Variants in EHMT1 observed in about 807,000 individuals in gnomAD.
EHMT1 encodes histone-lysine N-methyltransferase EHMT1.
A neutral mutation model predicts 147.2 loss-of-function variants in EHMT1; 15 were observed. That is an observed-to-expected ratio of 0.10 (90% CI 0.07 to 0.16). EHMT1 has a LOEUF of 0.16. Among genes scored for constraint, EHMT1 ranks in the 10% least tolerant of loss-of-function variants. The pLI, the probability that EHMT1 is intolerant of heterozygous loss-of-function variation, is 1.00. For synonymous variants in EHMT1, 795 were observed against 709.6 expected (o/e 1.12, Z -1.91); for missense variants, 1,587 against 1,772.4 (o/e 0.90, Z 1.88).
intron 1 of EHMT1, among the ~76,000 whole-genome samples, chr9:137,695,926 G>T (rs534817065): frequency 2.0e-5 from 3 of 152,342 alleles, no homozygotes; most frequent in African/African-American, 7.2e-5. Flanking sequence ...AAATGCCATA[G>T]CCGAAAGAAC....
At position 137,713,966 on chromosome 9, in the gene EHMT1, T is replaced by TA. The variant is rs556981265; in HGVS notation, c.86-2652dup. ...CTCCATCTCAAAAAATAAAAAAAGT[T>TA]AAAAAAAATTGATTTTTGCATATTT... On this transcript the variant is annotated intron_variant, in intron 2 of 26. Transcript: ENST00000460843. 1.9e-4 allele frequency among the ~76,000 whole-genome samples: 29 copies of TA among 152,092 alleles called. No individual in the cohort carries two copies. In the East Asian group the frequency reaches 2.3e-3, roughly 12 times the overall value.
At chr9:137,802,694 C>A in intron 18 of EHMT1, 1 of 634,688 alleles carries the variant, frequency 1.6e-6, no homozygotes, top group Non-Finnish European at 2.3e-6. Flanking sequence ...GAAACAGGGA[C>A]CACTGGCTGT....
At chr9:137,740,829 G>C (rs937481898) in intron 4 of EHMT1, among the ~76,000 whole-genome samples, 1 of 152,120 alleles carries the variant, frequency 6.6e-6, no homozygotes, top group Non-Finnish European at 1.5e-5. Context: ...TTGAGATGGA[G>C]TCTAGCTCTG....
At chr9:137,717,430 C>G (rs919827231) in intron 3 of EHMT1, among the ~76,000 whole-genome samples, 4 of 151,694 alleles carry the variant, frequency 2.6e-5, no homozygotes, top group Admixed American at 1.3e-4. Flanking sequence ...TGGCGAAACT[C>G]AAATGCAAAA....
At chr9:137,789,067 C>G (rs1446591419) in intron 15 of EHMT1, 2 of 152,550 alleles carry the variant, frequency 1.3e-5, no homozygotes, top group African/African-American at 4.8e-5. Context: ...GCCCTGTGTT[C>G]TCATGGGCGG....
chr9:137,752,238 G>A lies in EHMT1; in HGVS notation c.1171-93G>A, dbSNP rs1480111836. On this transcript the variant is annotated intron_variant, in intron 6 of 26. Coordinates refer to ENST00000460843, the MANE Select transcript of EHMT1 (RefSeq NM_024757.5). ...GGCGTGTGCGGCCAGTGCCCGTTTC[G>A]AGGTTTGCTTTGGATCCGTCATCTG... 8.9e-6 allele frequency: 13 copies of A among 1,454,198 alleles called. No homozygotes were observed. The East Asian group carries it at 1.2e-4, about 13-fold the overall frequency. The allele number at this position is 1,454,198 out of a possible 1,614,324, so 90.1% of individuals were successfully genotyped here. A position where few individuals can be genotyped will look rare whatever the true frequency, so the allele number is the denominator to read the frequency against.
chr9:137,764,381 C>G (rs577683930), intron 10 of EHMT1: 1 of 152,386 alleles, frequency 6.6e-6, no homozygotes, highest in East Asian at 1.9e-4. Context: ...TGTTCTGCCA[C>G]ACTCGGCCCC....
chr9:137,754,154 C>T lies in EHMT1; in HGVS notation c.1249-17C>T. 1 of 1,613,946 alleles carries T rather than the reference C, an allele frequency of 6.2e-7. No individual in the cohort carries two copies. The highest frequency in any genetic ancestry group is 8.5e-7 in the Non-Finnish European group (1 of 1,179,922). On this transcript the variant is annotated splice_polypyrimidine_tract_variant and intron_variant, in intron 7 of 26. Transcript: ENST00000460843. ...CTGTGCTTAGTGGTTTATATGCCTG[C>T]CCGTTTGGTTCTCCAGAGTTCGGAA...
At chr9:137,739,704 C>T (rs1290324999) in intron 4 of EHMT1, among the ~76,000 whole-genome samples, 2 of 152,278 alleles carry the variant, frequency 1.3e-5, no homozygotes, top group Non-Finnish European at 2.9e-5. Flanking sequence ...AGTTGCAGTG[C>T]TTCCCTTGCG....
Position 137,802,711 on chromosome 9 carries a change from C to T in EHMT1, c.2712+1727C>T. The T allele has an allele frequency of 4.7e-6, 4 of 845,960 alleles. No homozygotes were observed. In the South Asian group the frequency reaches 1.9e-4, roughly 40 times the overall value. 52.4% of individuals were successfully genotyped at this position (845,960 alleles called of 1,614,324 possible). A position where few individuals can be genotyped will look rare whatever the true frequency, so the allele number is the denominator to read the frequency against. ...AACAGGGACCACTGGCTGTGGGCAC[C>T]CGCTGCCTCCCTGCAGGCACGCAGG... On this transcript the variant is annotated intron_variant, in intron 18 of 26. Coordinates refer to ENST00000460843, the MANE Select transcript of EHMT1 (RefSeq NM_024757.5).
At chr9:137,802,717 C>T (rs933446917) in intron 18 of EHMT1, 85 of 919,208 alleles carry the variant, frequency 9.2e-5, no homozygotes, top group Non-Finnish European at 1.7e-5. Context: ...GCACCCGCTG[C>T]CTCCCTGCAG....
chr9:137,707,207 G>C (rs980639957), intron 1 of EHMT1, among the ~76,000 whole-genome samples: 1 of 152,238 alleles, frequency 6.6e-6, no homozygotes, highest in Non-Finnish European at 1.5e-5. Flanking sequence ...GCCATAAGGA[G>C]ACTTGGCAGC....
intron 1 of EHMT1, among the ~76,000 whole-genome samples, chr9:137,645,473 G>C (rs954348153): frequency 1.3e-5 from 2 of 152,226 alleles, no homozygotes; most frequent in Non-Finnish European, 2.9e-5. Context: ...TGCACATGGC[G>C]TCTGCCTTGT....
chr9:137,794,815 G>A (rs751834792), intron 16 of EHMT1, among the ~76,000 whole-genome samples: 3 of 152,078 alleles, frequency 2.0e-5, no homozygotes, highest in Non-Finnish European at 2.9e-5. Context: ...TCCAGTAAAC[G>A]TACCCTTCAG....
intron 18 of EHMT1, among the ~76,000 whole-genome samples, chr9:137,808,685 C>T (rs1954159157): frequency 6.9e-6 from 1 of 144,704 alleles, no homozygotes; most frequent in African/African-American, 2.6e-5. Context: ...GTGGGGGGGG[C>T]GCGTGGTGGC....
chr9:137,761,358 C>T (rs538204899), intron 9 of EHMT1, among the ~76,000 whole-genome samples: 16 of 152,344 alleles, frequency 1.1e-4, no homozygotes, highest in African/African-American at 3.6e-4. Context: ...GTCAAGATGG[C>T]CTCCTTGGCT....
intron 18 of EHMT1, 88 bp downstream of exon 18, chr9:137,801,072 C>T (rs1953439953): frequency 8.3e-7 from 1 of 1,199,406 alleles, no homozygotes; most frequent in South Asian, 1.3e-5. Flanking sequence ...AAAGCAGAAC[C>T]CTGGCACCTG....
rs550822094 is a variant in EHMT1 at position 137,816,367 on chromosome 9, C to T, written c.3374+305C>T. On this transcript the variant is annotated intron_variant, in intron 23 of 26. Coordinates refer to ENST00000460843, the MANE Select transcript of EHMT1 (RefSeq NM_024757.5). ...AATTACCTTTGTTACCGAGTTCATG[C>T]GAACATTCTTCAACAGGTTAGGGCT... 30 of 433,094 alleles carry T rather than the reference C, an allele frequency of 6.9e-5. 1 individual carries two copies. Among genetic ancestry groups the T allele is most frequent in the South Asian group, 5.6e-4 (27 of 48,450 alleles). The allele number at this position is 433,094 out of a possible 1,614,324, so 26.8% of individuals were successfully genotyped here.
At chr9:137,669,437 C>T (rs796593098) in intron 1 of EHMT1, among the ~76,000 whole-genome samples, 18 of 1,294 alleles carry the variant, frequency 0.014, no homozygotes, top group East Asian at 0.12. Context: ...CAAGACGCCG[C>T]CCACAGCACG....
Sources: allele counts gnomAD v4.1 joint callset (sites outside exome capture counted in the v4.1 genomes callset), GRCh38; gene constraint gnomAD v4.1.1; transcripts MANE v1.5; gene names NCBI Gene and HGNC (gene_info 2026-07-23, HGNC 2026-07-21).